The following ADAMTS20 variants were observed in gnomAD, a reference collection of about 807,000 sequenced individuals.
ADAMTS20 encodes A disintegrin and metalloproteinase with thrombospondin motifs 20.
Under a neutral mutation model 260.1 loss-of-function variants are expected in ADAMTS20, and 225 were observed. The ratio of observed to expected loss-of-function variants is 0.87; its 90% CI spans 0.78 to 0.97. The LOEUF (loss-of-function observed/expected upper bound fraction) is 0.97. Among genes scored for constraint, ADAMTS20 ranks in the 50% least tolerant of loss-of-function variants. The probability of loss-of-function intolerance (pLI) is 0.00; values close to 1 mark genes in which losing one functional copy is unlikely to be tolerated. For synonymous variants in ADAMTS20, 802 were observed against 769.5 expected (o/e 1.04, Z -0.70); for missense variants, 2,400 against 2,337.7 (o/e 1.03, Z -0.55).
chr12:43,539,235 G>A (rs1454158693), intron 2 of ADAMTS20, among the ~76,000 whole-genome samples: 1 of 152,136 alleles, frequency 6.6e-6, no homozygotes, highest in South Asian at 2.1e-4. Context: ...ACAGGTGTGA[G>A]CCACCACGCC....
chr12:43,363,614 A>T (rs1939921726), intron 37 of ADAMTS20, among the ~76,000 whole-genome samples: 1 of 152,178 alleles, frequency 6.6e-6, no homozygotes, highest in Non-Finnish European at 1.5e-5. Context: ...CAAGTTGTAA[A>T]AATAGGAAAT....
chr12:43,525,467 G>A (rs1395332883), intron 3 of ADAMTS20, among the ~76,000 whole-genome samples: 2 of 151,840 alleles, frequency 1.3e-5, no homozygotes, highest in African/African-American at 2.4e-5. Context: ...ATTACACAAC[G>A]AAAAAAGTAT....
intron 7 of ADAMTS20, among the ~76,000 whole-genome samples, chr12:43,479,637 T>C (rs1325123397): frequency 6.6e-6 from 1 of 152,100 alleles, no homozygotes; most frequent in East Asian, 1.9e-4. Context: ...ATTTAGAATT[T>C]TTAATGACAT....
Position 43,434,246 on chromosome 12 carries a change from T to A in ADAMTS20, c.2719A>T (p.Arg907Trp). 4 of 1,574,794 alleles carry A rather than the reference T, an allele frequency of 2.5e-6. No individual in the cohort carries two copies. Among genetic ancestry groups the A allele is most frequent in the Non-Finnish European group, 3.5e-6 (4 of 1,158,360 alleles). ...TQSCNTDCEL[R>W]WHVIGKSECS... ...TATTACATATTATTTCTCTTTTACCTTAGTTCACAGTCTGTATTGCAACTT... is the reference window on the plus strand; with the variant it reads ...TATTACATATTATTTCTCTTTTACCATAGTTCACAGTCTGTATTGCAACTT... Residue 907 changes from arginine (R) to tryptophan (W), a missense_variant and splice_region_variant, in exon 19 of 39, where the codon AGG (arginine) becomes TGG (tryptophan). Transcript: ENST00000389420.
chr12:43,545,339 T>G (rs558201919), intron 2 of ADAMTS20, among the ~76,000 whole-genome samples: 1 of 152,278 alleles, frequency 6.6e-6, no homozygotes, highest in East Asian at 1.9e-4. Context: ...AACAATCTGA[T>G]TCCTTGGTCT....
rs1050814724 is a variant in ADAMTS20, at chr12:43,551,718, C to A, written c.91+113G>T. On this transcript the variant is annotated intron_variant, in intron 1 of 38. Transcript: ENST00000389420. The surrounding 1 kb of genome is among the most constrained non-coding windows in gnomAD (Gnocchi z 4.6). ...ACTGGTCCGGGAGTCCCGGGAGCTC[C>A]AGCAGGGCCAGCGTTCCCCAACGGG... 1.8e-4 allele frequency: 198 copies of A among 1,117,696 alleles called. No homozygotes were observed. Among genetic ancestry groups the A allele is most frequent in the Non-Finnish European group, 2.5e-4 (189 of 764,400 alleles). The allele number at this position is 1,117,696 out of a possible 1,614,324, so 69.2% of individuals were successfully genotyped here.
intron 12 of ADAMTS20, 54 bp from the exon 13 acceptor site, chr12:43,452,749 C>T: frequency 7.0e-7 from 1 of 1,429,770 alleles, no homozygotes; most frequent in Non-Finnish European, 9.3e-7. Flanking sequence ...ATTTGTGCCA[C>T]TTACTTCTAA....
At chr12:43,490,535 A>C in intron 6 of ADAMTS20, 100 bp from the exon 7 acceptor site, 1 of 538,868 alleles carries the variant, frequency 1.9e-6, no homozygotes, top group Non-Finnish European at 3.2e-6. Flanking sequence ...GACTACTACC[A>C]CAAACTAACT....
At chr12:43,404,180 C>G (rs924495954) in intron 28 of ADAMTS20, among the ~76,000 whole-genome samples, 5 of 52,132 alleles carry the variant, frequency 9.6e-5, no homozygotes, top group African/African-American at 2.9e-4. Context: ...ATTGTGGGGA[C>G]ACACACACAC....
chr12:43,472,566 A>T lies in ADAMTS20; in HGVS notation c.1118-3861T>A, dbSNP rs1460975332. 1.0e-4 allele frequency among the ~76,000 whole-genome samples: 14 copies of T among 134,764 alleles called. No individual in the cohort carries two copies. In the East Asian group the frequency reaches 3.3e-3, roughly 32 times the overall value. The allele number at this position is 134,764 out of a possible 152,430, so 88.4% of individuals were successfully genotyped here. A position where few individuals can be genotyped will look rare whatever the true frequency, so the allele number is the denominator to read the frequency against. On this transcript the variant is annotated intron_variant, in intron 7 of 38. Coordinates refer to ENST00000389420, the MANE Select transcript of ADAMTS20 (RefSeq NM_025003.5). ...CACCAAAGTTGAAATGAAGGAAAAA[A>T]TGTGAAGGGCAGCCAGAGAGAAAAG...
intron 36 of ADAMTS20, 104 bp from the exon 37 acceptor site, chr12:43,369,485 A>G (rs1457720611): frequency 4.6e-6 from 2 of 437,792 alleles, no homozygotes; most frequent in African/African-American, 2.1e-5. Context: ...ATACATATTT[A>G]TATATTAATT....
chr12:43,490,509 G>T, intron 6 of ADAMTS20, 74 bp from the exon 7 acceptor site: 1 of 750,686 alleles, frequency 1.3e-6, no homozygotes, highest in Non-Finnish European at 2.1e-6. Context: ...AAATAAAGAA[G>T]CTTTAACTAT....
At chr12:43,492,841 C>T (rs1263832700) in intron 5 of ADAMTS20, among the ~76,000 whole-genome samples, 1 of 152,000 alleles carries the variant, frequency 6.6e-6, no homozygotes, top group African/African-American at 2.4e-5. Flanking sequence ...CTTCTTAATA[C>T]AACCATCCAA....
At chr12:43,358,832 G>A (rs1490787792) in intron 37 of ADAMTS20, among the ~76,000 whole-genome samples, 4 of 104,214 alleles carry the variant, frequency 3.8e-5, no homozygotes, top group African/African-American at 8.3e-5. Flanking sequence ...GCGAAACTCC[G>A]TCTCAAAAAA....
chr12:43,493,214 T>C lies in ADAMTS20; in HGVS notation c.907A>G (p.Ile303Val). ...IYKDPSIGNLIHIVVVKLVMI... is the reference protein window; with the variant it reads ...IYKDPSIGNLVHIVVVKLVMI... ...ACTAATTTTACCACTACTATGTGTA[T>C]CAAATTTCCAATACTTGGATCTTTG... is the stretch of plus-strand genomic sequence containing the variant. Residue 303 changes from isoleucine (I) to valine (V), a missense_variant, in exon 5 of 39, where the codon ATA (isoleucine) becomes GTA (valine). Physicochemically the swap from Ile to Val is conservative, Grantham distance 29. Transcript: ENST00000389420. 1 of 1,562,196 alleles carries C rather than the reference T, an allele frequency of 6.4e-7. No homozygotes were observed. Among genetic ancestry groups the C allele is most frequent in the South Asian group, 1.2e-5 (1 of 84,806 alleles).
intron 6 of ADAMTS20, 21 bp downstream of exon 6, chr12:43,492,484 G>C: frequency 6.2e-7 from 1 of 1,611,994 alleles, no homozygotes; most frequent in Non-Finnish European, 8.5e-7. Flanking sequence ...TGTATGGGAA[G>C]GGTTATTTCT....
chr12:43,542,127 A>T (rs141816342), intron 2 of ADAMTS20, among the ~76,000 whole-genome samples: 163 of 152,320 alleles, frequency 1.1e-3, no homozygotes, highest in African/African-American at 3.5e-3. Context: ...AATTAAAAAG[A>T]GGAAAGAATT....
chr12:43,383,495 A>C, intron 31 of ADAMTS20, 63 bp downstream of exon 31: 2 of 1,492,686 alleles, frequency 1.3e-6, no homozygotes, highest in Admixed American at 2.1e-5. Flanking sequence ...CAGCTGTGTC[A>C]AATTGTAGAT....
chr12:43,361,515 A>G (rs1565664626), intron 37 of ADAMTS20, among the ~76,000 whole-genome samples: 1 of 152,242 alleles, frequency 6.6e-6, no homozygotes, highest in East Asian at 1.9e-4. Context: ...CCCAGTGGGC[A>G]GGAAGAGCAT....
Sources: allele counts gnomAD v4.1 joint callset (sites outside exome capture counted in the v4.1 genomes callset), GRCh38; gene constraint gnomAD v4.1.1; non-coding constraint Gnocchi (gnomAD v3.1); transcripts MANE v1.5; gene names NCBI Gene and HGNC (gene_info 2026-07-23, HGNC 2026-07-21).